Variants in SPAG16 observed in about 807,000 individuals in gnomAD.
SPAG16 encodes sperm associated antigen 16.
A neutral mutation model predicts 80.4 loss-of-function variants in SPAG16; 86 were observed. The ratio of observed to expected loss-of-function variants is 1.07; its 90% CI spans 0.90 to 1.28. The LOEUF is 1.28. Among genes scored for constraint, SPAG16 ranks in the 50% most tolerant of loss-of-function variants. The pLI is 0.00. For synonymous variants in SPAG16, 294 were observed against 265.9 expected, an observed-to-expected ratio of 1.11 and a Z score of -1.03; for missense variants, 870 against 765.3, an observed-to-expected ratio of 1.14 and a Z score of -1.61.
At chr2:213,464,891 T>C (rs781180395) in intron 9 of SPAG16, among the ~76,000 whole-genome samples, 13 of 152,216 alleles carry the variant, frequency 8.5e-5, no homozygotes, top group African/African-American at 1.2e-4. Flanking sequence ...CTGAAAGGTA[T>C]ATCCTTGAGA....
intron 10 of SPAG16, among the ~76,000 whole-genome samples, chr2:213,612,074 G>A (rs2061455732): frequency 6.6e-6 from 1 of 152,076 alleles, no homozygotes; most frequent in African/African-American, 2.4e-5. Context: ...GCTTGTGTGT[G>A]TAATTATAAT....
At chr2:214,327,695 ATT>A (rs58069845) in intron 15 of SPAG16, among the ~76,000 whole-genome samples, 108,233 of 149,236 alleles carry the variant, frequency 0.73, 39,594 homozygotes, top group Non-Finnish European at 0.8. Flanking sequence ...TAGATATCAA[ATT>A]TTTTTTTTTT....
At chr2:214,243,633 T>G (rs1298312935) in intron 15 of SPAG16, among the ~76,000 whole-genome samples, 6 of 152,266 alleles carry the variant, frequency 3.9e-5, no homozygotes, top group African/African-American at 1.4e-4. Flanking sequence ...AGACTATATA[T>G]CACTTCTTGT....
At chr2:213,822,584 A>G (rs1229098734) in intron 10 of SPAG16, among the ~76,000 whole-genome samples, 1 of 152,074 alleles carries the variant, frequency 6.6e-6, no homozygotes, top group Non-Finnish European at 1.5e-5. Context: ...CTTGTGGAAT[A>G]TTACTTTAGA....
intron 10 of SPAG16, among the ~76,000 whole-genome samples, chr2:213,530,587 C>G (rs1225172722): frequency 1.3e-5 from 2 of 152,184 alleles, no homozygotes; most frequent in African/African-American, 4.8e-5. Context: ...AGAAGTTACT[C>G]TCTTGAACTG....
chr2:213,573,425 C>G (rs2060001534), intron 10 of SPAG16, among the ~76,000 whole-genome samples: 1 of 152,182 alleles, frequency 6.6e-6, no homozygotes, highest in African/African-American at 2.4e-5. Context: ...AAAAATAAAA[C>G]TTTCACCAAA....
intron 5 of SPAG16, among the ~76,000 whole-genome samples, chr2:213,321,122 A>G (rs2063591470): frequency 6.6e-6 from 1 of 152,132 alleles, no homozygotes; most frequent in Non-Finnish European, 1.5e-5. Context: ...AAAATAAAAT[A>G]GATATCAAAT....
chr2:213,762,353 G>T (rs764378559), intron 10 of SPAG16, among the ~76,000 whole-genome samples: 5 of 152,080 alleles, frequency 3.3e-5, no homozygotes, highest in African/African-American at 1.2e-4. Context: ...AAAATAGGCT[G>T]ATAAATTATA....
At chr2:214,363,011 CTT>C (rs1485412176) in intron 15 of SPAG16, among the ~76,000 whole-genome samples, 1 of 151,842 alleles carries the variant, frequency 6.6e-6, no homozygotes, top group Non-Finnish European at 1.5e-5. Flanking sequence ...TACCAGGACT[CTT>C]AATACCATTT....
At chr2:214,024,289 C>T (rs908641853) in intron 13 of SPAG16, among the ~76,000 whole-genome samples, 5 of 151,538 alleles carry the variant, frequency 3.3e-5, no homozygotes, top group South Asian at 2.1e-4. Context: ...CTTTTCTCCA[C>T]GTGCTTACCC....
chr2:214,394,181 C>G (rs1701234151), intron 15 of SPAG16, among the ~76,000 whole-genome samples: 1 of 152,168 alleles, frequency 6.6e-6, no homozygotes, highest in Non-Finnish European at 1.5e-5. Context: ...ATTTCTCTCT[C>G]TGTGCCTCTT....
intron 13 of SPAG16, among the ~76,000 whole-genome samples, chr2:214,072,921 G>A (rs1330546177): frequency 6.6e-6 from 1 of 151,958 alleles, no homozygotes; most frequent in Admixed American, 6.6e-5. Context: ...TATACAGACA[G>A]CTACTCAGCA....
chr2:213,584,909 C>T (rs1327108546), intron 10 of SPAG16, among the ~76,000 whole-genome samples: 1 of 152,114 alleles, frequency 6.6e-6, no homozygotes, highest in African/African-American at 2.4e-5. Context: ...TTGAATGAGG[C>T]CCAGCAAGGT....
At chr2:214,105,048 C>G (rs1029941628) in intron 13 of SPAG16, among the ~76,000 whole-genome samples, 3 of 152,134 alleles carry the variant, frequency 2.0e-5, no homozygotes, top group Admixed American at 6.6e-5. Context: ...TATCCATTCT[C>G]TCTTTGTGCT....
chr2:213,967,636 A>T (rs2044774065), intron 12 of SPAG16, among the ~76,000 whole-genome samples: 2 of 152,156 alleles, frequency 1.3e-5, no homozygotes, highest in Non-Finnish European at 1.5e-5. Context: ...CTAAGATGAA[A>T]ATTATGTCTT....
intron 11 of SPAG16, among the ~76,000 whole-genome samples, chr2:213,869,260 A>AT (rs1236466313): frequency 1.9e-4 from 3 of 15,398 alleles, no homozygotes; most frequent in African/African-American, 2.6e-4. Flanking sequence ...TGTCAAAAAA[A>AT]AAAAATATAT....
chr2:214,013,329 C>T (rs990517341), intron 12 of SPAG16, among the ~76,000 whole-genome samples: 1 of 152,074 alleles, frequency 6.6e-6, no homozygotes, highest in African/African-American at 2.4e-5. Context: ...TTTACCACTT[C>T]TTTGTGGCGA....
intron 12 of SPAG16, among the ~76,000 whole-genome samples, chr2:213,995,832 G>A (rs1301947902): frequency 6.6e-6 from 1 of 152,194 alleles, no homozygotes; most frequent in Non-Finnish European, 1.5e-5. Flanking sequence ...GAATCCTGTG[G>A]TGTTTCCCTC....
intron 15 of SPAG16, among the ~76,000 whole-genome samples, chr2:214,331,249 T>C (rs897693929): frequency 6.6e-6 from 1 of 152,104 alleles, no homozygotes; most frequent in Non-Finnish European, 1.5e-5. Context: ...AAACATACTT[T>C]TTGCTGTTTG....
Sources: gnomAD v4.1 joint callset for allele counts (sites outside exome capture counted in the v4.1 genomes callset) on GRCh38, gnomAD v4.1.1 for gene constraint, MANE v1.5 for transcripts, NCBI Gene and HGNC (gene_info 2026-07-23, HGNC 2026-07-21) for gene names.